The following TMEM242 variants were observed in gnomAD, a reference collection of about 807,000 sequenced individuals.
The protein encoded by TMEM242 is transmembrane protein 242, also known as UPF0463 transmembrane protein C6orf35.
A neutral mutation model predicts 18.2 loss-of-function variants in TMEM242; 10 were observed. The observed-to-expected ratio is 0.55, with a 90% CI of 0.34 to 0.93. The LOEUF (loss-of-function observed/expected upper bound fraction) is 0.93. Ranked by LOEUF, TMEM242 falls within the 40% of genes least tolerant of loss-of-function variation. TMEM242 has a pLI of 0.02. For missense variants in TMEM242, 186 were observed against 175.5 expected (o/e 1.06, Z -0.34); for synonymous variants, 57 against 69.9 (o/e 0.81, Z 0.92).
At chr6:157,307,149 C>T (rs782746348) in intron 3 of TMEM242, among the ~76,000 whole-genome samples, 2 of 152,204 alleles carry the variant, frequency 1.3e-5, no homozygotes, top group South Asian at 4.1e-4. Context: ...TATCAGGTCT[C>T]CAGTCCACAA....
At chr6:157,294,620 G>C (rs587698573) in intron 3 of TMEM242, among the ~76,000 whole-genome samples, 1 of 152,106 alleles carries the variant, frequency 6.6e-6, no homozygotes, top group East Asian at 1.9e-4. Flanking sequence ...AAAGTGCTGG[G>C]ATTACAGGCG....
At chr6:157,316,042 T>C (rs185168356) in intron 3 of TMEM242, among the ~76,000 whole-genome samples, 3 of 152,360 alleles carry the variant, frequency 2.0e-5, no homozygotes, top group Admixed American at 2.0e-4. Flanking sequence ...TGTTGGTTTA[T>C]GAAAACTGGG....
At chr6:157,298,002 GCA>G (rs1189351015) in intron 3 of TMEM242, among the ~76,000 whole-genome samples, 1 of 152,150 alleles carries the variant, frequency 6.6e-6, no homozygotes, top group African/African-American at 2.4e-5. Flanking sequence ...GAAATACAAA[GCA>G]CACATGTAAC....
intron 3 of TMEM242, among the ~76,000 whole-genome samples, chr6:157,313,594 C>T (rs1554249856): frequency 6.7e-6 from 1 of 149,250 alleles, no homozygotes; most frequent in Non-Finnish European, 1.5e-5. Flanking sequence ...TGTGCGCTCA[C>T]CTAACCCCAT....
intron 3 of TMEM242, among the ~76,000 whole-genome samples, chr6:157,302,056 T>C (rs1484365293): frequency 1.6e-4 from 24 of 152,162 alleles, no homozygotes; most frequent in Non-Finnish European, 1.2e-4. Flanking sequence ...CTCCTGGCCA[T>C]GTTTTCCCTA....
At chr6:157,297,647 G>A (rs1777768765) in intron 3 of TMEM242, among the ~76,000 whole-genome samples, 1 of 152,134 alleles carries the variant, frequency 6.6e-6, no homozygotes, top group African/African-American at 2.4e-5. Context: ...TTCTGGTCAG[G>A]GTAGAAAAGG....
At chr6:157,298,499 A>G (rs9356188) in intron 3 of TMEM242, among the ~76,000 whole-genome samples, 54,074 of 152,078 alleles carry the variant, frequency 0.36, 10,196 homozygotes, top group East Asian at 0.71. Flanking sequence ...AAGTGTGTGC[A>G]TGTACACACA....
At position 157,292,692 on chromosome 6, in the gene TMEM242, GTCT is replaced by G. The variant is rs1777699071; in HGVS notation, c.*206_*208del. ...TTCCTGTAATTACTATTTTTAAATA[GTCT>G]TCTTAACTGTGGGAAAACTTTACCC... On this transcript the variant is annotated 3_prime_UTR_variant, in exon 4 of 4. Transcript: ENST00000400788. The G allele has an allele frequency of 2.5e-6, 1 of 394,634 alleles. No individual in the cohort carries two copies. The highest frequency in any genetic ancestry group is 4.5e-6 in the Non-Finnish European group (1 of 222,892). 24.4% of individuals were successfully genotyped at this position (394,634 alleles called of 1,614,324 possible). A position where few individuals can be genotyped will look rare whatever the true frequency, so the allele number is the denominator to read the frequency against.
chr6:157,313,245 A>T (rs376760982), intron 3 of TMEM242, among the ~76,000 whole-genome samples: 34 of 1,940 alleles, frequency 0.018, no homozygotes, highest in African/African-American at 0.032. Context: ...AGTGTCGCAG[A>T]GTGTGCTCAC....
intron 2 of TMEM242, among the ~76,000 whole-genome samples, chr6:157,320,394 T>A (rs1192929675): frequency 6.6e-6 from 1 of 152,262 alleles, no homozygotes; most frequent in Non-Finnish European, 1.5e-5. Context: ...AATATAAGCC[T>A]ATTTTTTATG....
chr6:157,316,801 A>C (rs1185738750), intron 3 of TMEM242, among the ~76,000 whole-genome samples: 2 of 152,194 alleles, frequency 1.3e-5, no homozygotes, highest in Non-Finnish European at 2.9e-5. Context: ...GCTCGAGCCC[A>C]GGAGGCTGCA....
intron 3 of TMEM242, among the ~76,000 whole-genome samples, chr6:157,296,658 GGGCCACA>G (rs1777753896): frequency 6.6e-6 from 1 of 152,182 alleles, no homozygotes; most frequent in African/African-American, 2.4e-5. Context: ...ACTCCAGCCT[GGGCCACA>G]GAGTGAGACT....
At chr6:157,309,888 T>G (rs1287431974) in intron 3 of TMEM242, among the ~76,000 whole-genome samples, 2 of 151,842 alleles carry the variant, frequency 1.3e-5, no homozygotes, top group African/African-American at 4.8e-5. Flanking sequence ...TATCTGTAAA[T>G]TCCTACTATA....
At chr6:157,294,347 C>CTTTTTTT (rs587765277) in intron 3 of TMEM242, among the ~76,000 whole-genome samples, 21 of 115,246 alleles carry the variant, frequency 1.8e-4, no homozygotes, top group African/African-American at 2.4e-4. Flanking sequence ...CAAGTCATTT[C>CTTTTTTT]TTTTTTTTTT....
rs1306399219 is a variant in TMEM242 at position 157,291,672 on chromosome 6, C to T, written c.*1229G>A. ...TACACCTGTTTCATTAACAATACAG[C>T]AATTTTAACAGGGTAACATGGTCTA... On this transcript the variant is annotated 3_prime_UTR_variant, in exon 4 of 4. Coordinates refer to ENST00000400788, the MANE Select transcript of TMEM242 (RefSeq NM_018452.6). The T allele has an allele frequency of 6.6e-6, 1 of 152,178 alleles. No homozygotes were observed. Among genetic ancestry groups the T allele is most frequent in the African/African-American group, 2.4e-5 (1 of 41,432 alleles). 9.4% of individuals were successfully genotyped at this position (152,178 alleles called of 1,614,324 possible).
intron 1 of TMEM242, 122 bp downstream of exon 1, chr6:157,323,290 A>AGGGGCAAGCACAAGCTAAG (rs1778524090): frequency 8.9e-7 from 1 of 1,124,420 alleles, no homozygotes; most frequent in African/African-American, 1.6e-5. Flanking sequence ...GGCTAAACTC[A>AGGGGCAAGCACAAGCTAAG]GGGGCAAGCA....
intron 2 of TMEM242, among the ~76,000 whole-genome samples, chr6:157,322,434 A>C (rs1018682752): frequency 1.3e-5 from 2 of 152,192 alleles, no homozygotes; most frequent in African/African-American, 4.8e-5. Flanking sequence ...CCTGGCCCAA[A>C]TTTAGATTCA....
chr6:157,314,299 C>A (rs1583574299), intron 3 of TMEM242, among the ~76,000 whole-genome samples: 1 of 148,406 alleles, frequency 6.7e-6, no homozygotes, highest in Non-Finnish European at 1.5e-5. Flanking sequence ...TCGCAGTGTG[C>A]ACTCACCTGG....
chr6:157,305,928 CT>C lies in TMEM242; in HGVS notation c.327+12853del, dbSNP rs1248310373. ...GTGGAGGCAGTGACCACAGACAACTCTTTCGGGAAGCTTTTTGTGTAAAGGG... is the reference window on the plus strand; with the variant it reads ...GTGGAGGCAGTGACCACAGACAACTCTTCGGGAAGCTTTTTGTGTAAAGGG... On this transcript the variant is annotated intron_variant, in intron 3 of 3. Transcript: ENST00000400788. This position sits in a 1 kb window ranked among gnomAD's most constrained non-coding sequence, Gnocchi z 4.1. 6.6e-6 allele frequency among the ~76,000 whole-genome samples: 1 copy of C among 152,162 alleles called. No homozygotes were observed. Among genetic ancestry groups the C allele is most frequent in the African/African-American group, 2.4e-5 (1 of 41,436 alleles).
Sources: allele counts gnomAD v4.1 joint callset (sites outside exome capture counted in the v4.1 genomes callset), GRCh38; gene constraint gnomAD v4.1.1; non-coding constraint Gnocchi (gnomAD v3.1); transcripts MANE v1.5; gene names NCBI Gene and HGNC (gene_info 2026-07-23, HGNC 2026-07-21).